FIGN: variants seen among roughly 807,000 people sequenced by gnomAD.
The protein encoded by FIGN is fidgetin, microtubule severing factor, also known as fidgetin.
Under a neutral mutation model 51.3 loss-of-function variants are expected in FIGN, and 11 were observed. The observed-to-expected ratio is 0.21, with a 90% CI of 0.13 to 0.35. FIGN has a LOEUF of 0.35. FIGN is among the 10% of genes least tolerant of loss of function. The probability of loss-of-function intolerance (pLI) is 1.00; values close to 1 mark genes in which losing one functional copy is unlikely to be tolerated. For missense variants in FIGN, 857 were observed against 943.6 expected (o/e 0.91, Z 1.20); for synonymous variants, 407 against 363.2 (o/e 1.12, Z -1.37).
chr2:163,714,123 C>T (rs980691137), intron 2 of FIGN, among the ~76,000 whole-genome samples: 41 of 152,146 alleles, frequency 2.7e-4, no homozygotes, highest in African/African-American at 9.7e-4. Context: ...GTTCCAGGAG[C>T]CTTAAACCTT....
At chr2:163,708,561 A>C (rs1684537085) in intron 2 of FIGN, among the ~76,000 whole-genome samples, 1 of 152,194 alleles carries the variant, frequency 6.6e-6, no homozygotes, top group Non-Finnish European at 1.5e-5. Flanking sequence ...TAGTTTCTAA[A>C]CTGAACTGTC....
At position 163,682,806 on chromosome 2, in the gene FIGN, A is replaced by C. The variant is rs375305968; in HGVS notation, c.25+52097T>G. Reference sequence around the variant, plus strand: ...GCCTTGTGTCAAGTGCTAGCATGACATTTCTTCTTACTTTTCAGAGAAAGT... The same window carrying C: ...GCCTTGTGTCAAGTGCTAGCATGACCTTTCTTCTTACTTTTCAGAGAAAGT... On this transcript the variant is annotated intron_variant, in intron 2 of 2. Transcript: ENST00000333129. Among the ~76,000 whole-genome samples, 50 of 152,338 alleles carry C rather than the reference A, an allele frequency of 3.3e-4. No individual in the cohort carries two copies. In the South Asian group the frequency reaches 8.9e-3, roughly 27 times the overall value.
At chr2:163,699,893 TC>T (rs2105350063) in intron 2 of FIGN, among the ~76,000 whole-genome samples, 1 of 152,280 alleles carries the variant, frequency 6.6e-6, no homozygotes, top group South Asian at 2.1e-4. Context: ...TGCTCTGATA[TC>T]TACTTAAAGT....
chr2:163,648,189 AG>A (rs1683413136), intron 2 of FIGN, among the ~76,000 whole-genome samples: 3 of 152,080 alleles, frequency 2.0e-5, no homozygotes, highest in Admixed American at 2.0e-4. Context: ...ACAAACCACA[AG>A]GAAGGCCCCA....
intron 2 of FIGN, among the ~76,000 whole-genome samples, chr2:163,650,026 C>T (rs1683446297): frequency 6.6e-6 from 1 of 152,060 alleles, no homozygotes; most frequent in South Asian, 2.1e-4. Context: ...ATGCGCTCAT[C>T]CCATTACATT....
chr2:163,688,133 CT>C (rs1390488772), intron 2 of FIGN, among the ~76,000 whole-genome samples: 1 of 152,180 alleles, frequency 6.6e-6, no homozygotes, highest in Non-Finnish European at 1.5e-5. Flanking sequence ...GGCATTCACT[CT>C]TTACTGAAGT....
chr2:163,631,977 G>A lies in FIGN; in HGVS notation c.26-20171C>T, dbSNP rs567410286. 8.5e-5 allele frequency among the ~76,000 whole-genome samples: 13 copies of A among 152,138 alleles called. No individual in the cohort carries two copies. In the South Asian group the frequency reaches 2.3e-3, roughly 27 times the overall value. ...AGCCTGATCAACACGGTGAAACCGC[G>A]TCTCTACTAAAAATACAGAACTTAG... is the stretch of plus-strand genomic sequence containing the variant. On this transcript the variant is annotated intron_variant, in intron 2 of 2. Transcript: ENST00000333129.
At chr2:163,716,731 G>T (rs1684673699) in intron 2 of FIGN, among the ~76,000 whole-genome samples, 1 of 152,094 alleles carries the variant, frequency 6.6e-6, no homozygotes, top group African/African-American at 2.4e-5. Context: ...ATAAAATCTT[G>T]TCATTTTCCC....
chr2:163,688,848 T>G (rs1287687649), intron 2 of FIGN, among the ~76,000 whole-genome samples: 4 of 152,106 alleles, frequency 2.6e-5, no homozygotes, highest in Non-Finnish European at 5.9e-5. Context: ...TAACAATTAT[T>G]TGTAAAGCAA....
Position 163,610,096 on chromosome 2 carries a change from G to C in FIGN, c.1736C>G (p.Pro579Arg). 6.2e-7 allele frequency: 1 copy of C among 1,613,790 alleles called. No homozygotes were observed. The highest frequency in any genetic ancestry group is 8.5e-7 in the Non-Finnish European group (1 of 1,179,796). ...ASFLVARCRQPSVIFVSDIDM... is the reference protein window; with the variant it reads ...ASFLVARCRQRSVIFVSDIDM... ...AATGTCACTAACAAAAATCACCGAGGGCTGGCGACACCTGGCCACAAGAAA... is the reference window on the plus strand; with the variant it reads ...AATGTCACTAACAAAAATCACCGAGCGCTGGCGACACCTGGCCACAAGAAA... Residue 579 changes from proline (P) to arginine (R), a missense_variant, in exon 3 of 3, where the codon CCC (proline) becomes CGC (arginine). By Grantham distance (103) the Pro-to-Arg change is moderately radical (BLOSUM62 -2). Transcript: ENST00000333129.
At chr2:163,643,509 G>T (rs1573922150) in intron 2 of FIGN, among the ~76,000 whole-genome samples, 1 of 151,094 alleles carries the variant, frequency 6.6e-6, no homozygotes, top group South Asian at 2.1e-4. Flanking sequence ...AAATTAGCTG[G>T]GTGTGGCAGC....
At chr2:163,618,924 C>CTT (rs200456005) in intron 2 of FIGN, among the ~76,000 whole-genome samples, 1 of 151,892 alleles carries the variant, frequency 6.6e-6, no homozygotes, top group African/African-American at 2.4e-5. Flanking sequence ...TTTCCAAATA[C>CTT]TTTTTTTTAT....
chr2:163,708,718 G>C (rs1006103213), intron 2 of FIGN, among the ~76,000 whole-genome samples: 1 of 152,148 alleles, frequency 6.6e-6, no homozygotes, highest in African/African-American at 2.4e-5. Flanking sequence ...CCTGCTAGAT[G>C]GGGGCAGGAG....
chr2:163,666,805 T>C (rs1292163294), intron 2 of FIGN, among the ~76,000 whole-genome samples: 1 of 151,820 alleles, frequency 6.6e-6, no homozygotes, highest in Admixed American at 6.6e-5. Context: ...AGTGGCAAAA[T>C]CAGAATTTGA....
At chr2:163,679,683 G>A (rs563266905) in intron 2 of FIGN, among the ~76,000 whole-genome samples, 21 of 152,070 alleles carry the variant, frequency 1.4e-4, no homozygotes, top group Non-Finnish European at 2.2e-4. Context: ...GAGGTTTAAA[G>A]GTTCAATTTT....
At chr2:163,712,160 A>G (rs1559029714) in intron 2 of FIGN, among the ~76,000 whole-genome samples, 1 of 152,204 alleles carries the variant, frequency 6.6e-6, no homozygotes, top group Admixed American at 6.5e-5. Flanking sequence ...GTGAGATGGG[A>G]CAAAAAAGAA....
At chr2:163,635,236 C>T (rs1337243848) in intron 2 of FIGN, among the ~76,000 whole-genome samples, 1 of 152,088 alleles carries the variant, frequency 6.6e-6, no homozygotes, top group Non-Finnish European at 1.5e-5. Flanking sequence ...AAAATCACTA[C>T]CAAATATCTA....
chr2:163,653,066 C>A (rs1042903509), intron 2 of FIGN, among the ~76,000 whole-genome samples: 2 of 152,136 alleles, frequency 1.3e-5, no homozygotes, highest in Non-Finnish European at 2.9e-5. Flanking sequence ...ACTTACTAAT[C>A]ATATGACCTC....
intron 2 of FIGN, among the ~76,000 whole-genome samples, chr2:163,624,145 C>A (rs1479152405): frequency 3.9e-5 from 6 of 151,962 alleles, no homozygotes; most frequent in African/African-American, 1.4e-4. Context: ...ATCTAATGAA[C>A]ATTCCCTTAT....
Sources: allele counts gnomAD v4.1 joint callset (sites outside exome capture counted in the v4.1 genomes callset), GRCh38; gene constraint gnomAD v4.1.1; transcripts MANE v1.5; gene names NCBI Gene and HGNC (gene_info 2026-07-23, HGNC 2026-07-21).